SLCO1B1: variants seen among roughly 807,000 people sequenced by gnomAD.
SLCO1B1 encodes solute carrier organic anion transporter family member 1B1.
SLCO1B1 carries 81 observed loss-of-function variants against 70.1 expected under a neutral mutation model. That is an observed-to-expected ratio of 1.16 (90% confidence interval 0.97 to 1.39). The LOEUF (loss-of-function observed/expected upper bound fraction) is 1.39, where lower values mean the gene tolerates loss of function less well. Among genes scored for constraint, SLCO1B1 ranks in the 40% most tolerant of loss-of-function variants. The pLI, the probability that SLCO1B1 is intolerant of heterozygous loss-of-function variation, is 0.00. For synonymous variants in SLCO1B1, 283 were observed against 271.5 expected (o/e 1.04, Z -0.42); for missense variants, 895 against 799.6 (o/e 1.12, Z -1.44).
intron 11 of SLCO1B1, among the ~76,000 whole-genome samples, chr12:21,215,761 T>G (rs759082008): frequency 3.9e-4 from 60 of 152,200 alleles, no homozygotes; most frequent in Non-Finnish European, 6.5e-4. Context: ...TTCTCAATTT[T>G]TCAGAATAAT....
chr12:21,152,842 T>C (rs576561031), intron 2 of SLCO1B1, among the ~76,000 whole-genome samples: 2 of 152,144 alleles, frequency 1.3e-5, no homozygotes, highest in Non-Finnish European at 2.9e-5. Context: ...CTCATGCTAC[T>C]GAAAGAACAA....
At chr12:21,211,870 T>A (rs1206224671) in intron 11 of SLCO1B1, among the ~76,000 whole-genome samples, 2 of 151,716 alleles carry the variant, frequency 1.3e-5, no homozygotes, top group Non-Finnish European at 2.9e-5. Context: ...TAGTATTCTC[T>A]GATGGTAGTT....
chr12:21,202,768 A>G, intron 10 of SLCO1B1, 82 bp downstream of exon 10: 1 of 1,082,248 alleles, frequency 9.2e-7, no homozygotes, highest in Non-Finnish European at 1.3e-6. Flanking sequence ...TAAGGCAGAA[A>G]ACAATTTTAA....
At chr12:21,182,440 C>G (rs1940913805) in intron 7 of SLCO1B1, among the ~76,000 whole-genome samples, 1 of 152,176 alleles carries the variant, frequency 6.6e-6, no homozygotes, top group Non-Finnish European at 1.5e-5. Flanking sequence ...CTTTCTTCCA[C>G]CAAGTAGCTC....
At chr12:21,167,261 A>G (rs2121088842) in intron 2 of SLCO1B1, among the ~76,000 whole-genome samples, 1 of 152,350 alleles carries the variant, frequency 6.6e-6, no homozygotes, top group South Asian at 2.1e-4. Context: ...TTTATTTACA[A>G]ATTAATGAAA....
intron 7 of SLCO1B1, among the ~76,000 whole-genome samples, chr12:21,189,778 C>G (rs1016114546): frequency 1.3e-5 from 2 of 148,604 alleles, no homozygotes; most frequent in Non-Finnish European, 2.9e-5. Context: ...CATGTACACT[C>G]TAATGTTTTG....
At chr12:21,134,361 G>A (rs1940185447) in intron 1 of SLCO1B1, among the ~76,000 whole-genome samples, 2 of 152,178 alleles carry the variant, frequency 1.3e-5, no homozygotes, top group Non-Finnish European at 2.9e-5. Flanking sequence ...ATGAGTTAGG[G>A]AGGATTCCCT....
At chr12:21,230,432 G>A (rs192041732) in intron 14 of SLCO1B1, among the ~76,000 whole-genome samples, 133 of 146,628 alleles carry the variant, frequency 9.1e-4, no homozygotes, top group African/African-American at 3.2e-3. Flanking sequence ...CCAGGTTCAA[G>A]CGATTCTCCT....
chr12:21,148,332 A>C (rs1940416182), intron 2 of SLCO1B1, among the ~76,000 whole-genome samples: 1 of 152,046 alleles, frequency 6.6e-6, no homozygotes, highest in Non-Finnish European at 1.5e-5. Flanking sequence ...TAGGGTTTTT[A>C]TGGTGTTAGG....
At chr12:21,165,612 A>C (rs1940674591) in intron 2 of SLCO1B1, among the ~76,000 whole-genome samples, 1 of 152,172 alleles carries the variant, frequency 6.6e-6, no homozygotes, top group Non-Finnish European at 1.5e-5. Flanking sequence ...TTGAATTTCA[A>C]AATCCAATGT....
chr12:21,228,123 T>A (rs888152416), intron 14 of SLCO1B1, among the ~76,000 whole-genome samples: 4 of 152,134 alleles, frequency 2.6e-5, no homozygotes, highest in Admixed American at 6.6e-5. Flanking sequence ...TCTTTGTACA[T>A]CCCCACATAT....
At chr12:21,213,818 T>C (rs1252754921) in intron 11 of SLCO1B1, among the ~76,000 whole-genome samples, 4 of 149,998 alleles carry the variant, frequency 2.7e-5, no homozygotes, top group Admixed American at 6.7e-5. Flanking sequence ...ATTCATTTCA[T>C]CTTCCATTGC....
chr12:21,215,879 A>C (rs1379167058), intron 11 of SLCO1B1, among the ~76,000 whole-genome samples: 1 of 152,050 alleles, frequency 6.6e-6, no homozygotes, highest in Non-Finnish European at 1.5e-5. Flanking sequence ...GTACTGATTC[A>C]AATTTGGAAC....
intron 1 of SLCO1B1, among the ~76,000 whole-genome samples, chr12:21,132,203 T>C (rs1940146755): frequency 6.6e-6 from 1 of 152,230 alleles, no homozygotes; most frequent in South Asian, 2.1e-4. Context: ...CCATGGTGTA[T>C]GTGTGCCACA....
chr12:21,229,458 T>C (rs542906474), intron 14 of SLCO1B1, among the ~76,000 whole-genome samples: 1 of 152,340 alleles, frequency 6.6e-6, no homozygotes, highest in East Asian at 1.9e-4. Flanking sequence ...AGTTTTGCGT[T>C]TTCCAGAATC....
At position 21,239,468 on chromosome 12, in the gene SLCO1B1, G is replaced by GA. The variant is rs1282322916; in HGVS notation, c.*285dup. Among the ~76,000 whole-genome samples, 2 of 152,042 alleles carry GA rather than the reference G, an allele frequency of 1.3e-5. No individual in the cohort carries two copies. The highest frequency in any genetic ancestry group is 2.9e-5 in the Non-Finnish European group (2 of 67,986). ...GAGACATGGTTACTGTGTAATAAAA[G>GA]AAAAAATACTTGTTCAGGTAATTCT... On this transcript the variant is annotated 3_prime_UTR_variant, in exon 15 of 15. Coordinates refer to ENST00000256958, the MANE Select transcript of SLCO1B1 (RefSeq NM_006446.5).
intron 10 of SLCO1B1, 109 bp downstream of exon 10, chr12:21,202,795 T>C: frequency 1.1e-6 from 1 of 882,796 alleles, no homozygotes. Context: ...TTTCTTTAAG[T>C]TAAGAGAAAT....
intron 8 of SLCO1B1, among the ~76,000 whole-genome samples, chr12:21,200,109 T>C (rs998605868): frequency 1.3e-5 from 2 of 152,166 alleles, no homozygotes; most frequent in African/African-American, 4.8e-5. Flanking sequence ...CCTTCACTTT[T>C]GTTTTTTGAA....
At position 21,214,987 on chromosome 12, in the gene SLCO1B1, C is replaced by T. The variant is rs373258538; in HGVS notation, c.1498-2132C>T. ...CTGGCACTCCCTAGTGAGATGAACC[C>T]GGTACCTCAGATGGAAATGCAGAAA... is the stretch of plus-strand genomic sequence containing the variant. On this transcript the variant is annotated intron_variant, in intron 11 of 14. Transcript: ENST00000256958. Among the ~76,000 whole-genome samples, 74 of 152,162 alleles carry T rather than the reference C, an allele frequency of 4.9e-4. 1 individual carries two copies. Among genetic ancestry groups the T allele is most frequent in the Non-Finnish European group, 1.9e-4 (13 of 68,026 alleles).
Sources: gnomAD v4.1 joint callset for allele counts (sites outside exome capture counted in the v4.1 genomes callset) on GRCh38, gnomAD v4.1.1 for gene constraint, MANE v1.5 for transcripts, NCBI Gene and HGNC (gene_info 2026-07-23, HGNC 2026-07-21) for gene names.